FBXO43: variants seen among roughly 807,000 people sequenced by gnomAD.
FBXO43 encodes the protein F-box only protein 43.
In FBXO43, 22 loss-of-function variants were observed where a neutral mutation model predicts 56.7. The ratio of observed to expected loss-of-function variants is 0.39; its 90% CI spans 0.28 to 0.55. FBXO43 has a LOEUF of 0.55. Ranked by LOEUF, FBXO43 falls within the 20% of genes least tolerant of loss-of-function variation. The pLI is 0.66. For missense variants in FBXO43, 733 were observed against 814.9 expected, an observed-to-expected ratio of 0.90 and a Z score of 1.22; for synonymous variants, 306 against 294.5, an observed-to-expected ratio of 1.04 and a Z score of -0.40.
At chr8:100,149,837 A>T (rs1005259267), upstream of FBXO43, among the ~76,000 whole-genome samples, 17 of 152,204 alleles carry the variant, frequency 1.1e-4, no homozygotes, top group Non-Finnish European at 1.8e-4. Flanking sequence ...TAAATTTTTT[A>T]AAATAGCTTC....
chr8:100,150,459 C>G (rs571152170), upstream of FBXO43: 4 of 152,384 alleles, frequency 2.6e-5, no homozygotes, highest in South Asian at 8.3e-4. Flanking sequence ...CTCTGCTTTC[C>G]TGCAAAATTA....
intron 3 of FBXO43, among the ~76,000 whole-genome samples, chr8:100,135,571 G>A (rs1814444765): frequency 6.6e-6 from 1 of 151,954 alleles, no homozygotes; most frequent in Non-Finnish European, 1.5e-5. Flanking sequence ...TTAAGAAACT[G>A]AGTTTTTAAA....
intron 3 of FBXO43, 97 bp downstream of exon 3, chr8:100,137,468 G>C: frequency 1.3e-6 from 1 of 754,832 alleles, no homozygotes; most frequent in Non-Finnish European, 2.2e-6. Context: ...AATGGAAAAG[G>C]TTAAAGATAG....
At position 100,141,492 on chromosome 8, in the gene FBXO43, C is replaced by T. The variant is rs768936412; in HGVS notation, c.762G>A (p.Gln254=). 1.2e-6 allele frequency: 2 copies of T among 1,612,828 alleles called. No homozygotes were observed. Among genetic ancestry groups the T allele is most frequent in the African/African-American group, 1.3e-5 (1 of 75,052 alleles). ...TGATAGAGTCTTTAAAATTATTGCC[C>T]TGAATTGGAGATATACATTCAACTT... is the stretch of plus-strand genomic sequence containing the variant. The part of the protein sequence containing the change: ...LFEVECISPI[Q]GNNFKDSITH... The change falls in exon 2 of 5, where the codon CAG becomes CAA. Residue 254 remains glutamine (Q), a synonymous_variant. Transcript: ENST00000428847.
chr8:100,148,272 G>A (rs1814865653), upstream of FBXO43, among the ~76,000 whole-genome samples: 2 of 152,024 alleles, frequency 1.3e-5, no homozygotes, highest in South Asian at 4.1e-4. Context: ...ATTGTTCAAG[G>A]AAGAATCATT....
chr8:100,144,081 T>C (rs1218367792), intron 1 of FBXO43, among the ~76,000 whole-genome samples: 2 of 152,222 alleles, frequency 1.3e-5, no homozygotes, highest in Non-Finnish European at 2.9e-5. Context: ...CAGGTCACGG[T>C]CCTTTTAAAA....
At position 100,135,933 on chromosome 8, in the gene FBXO43, T is replaced by C. The variant is rs535649042; in HGVS notation, c.1675-1569A>G. On this transcript the variant is annotated intron_variant, in intron 3 of 4. Coordinates refer to ENST00000428847, the MANE Select transcript of FBXO43 (RefSeq NM_001029860.4). ...ATATGAGACTATTTCTTTTCTTTTT[T>C]TTTTTTTTGAGAATAGAACATTTCA... Among the ~76,000 whole-genome samples, 65 of 152,146 alleles carry C rather than the reference T, an allele frequency of 4.3e-4. No individual in the cohort carries two copies. The South Asian group carries it at 0.013, about 30-fold the overall frequency.
intron 2 of FBXO43, among the ~76,000 whole-genome samples, chr8:100,138,044 C>A (rs1275344393): frequency 6.6e-6 from 1 of 152,158 alleles, no homozygotes; most frequent in African/African-American, 2.4e-5. Flanking sequence ...TTCTCCTATT[C>A]CTGTGTTTAA....
chr8:100,145,289 T>A lies in FBXO43; in HGVS notation c.-154A>T, dbSNP rs1814795952. On this transcript the variant is annotated 5_prime_UTR_variant, in exon 1 of 5. Coordinates refer to ENST00000428847, the MANE Select transcript of FBXO43 (RefSeq NM_001029860.4). ...TGAGAAGGTCTAAATCATTTTGAAT[T>A]TCCTTCAGCCCTCCAGAAAATAGTT... is the stretch of plus-strand genomic sequence containing the variant. The A allele has an allele frequency of 2.1e-6, 1 of 480,998 alleles. No homozygotes were observed. The highest frequency in any genetic ancestry group is 3.4e-5 in the East Asian group (1 of 29,226). The allele number at this position is 480,998 out of a possible 1,614,324, so 29.8% of individuals were successfully genotyped here.
chr8:100,146,013 A>T (rs3133673), upstream of FBXO43, among the ~76,000 whole-genome samples: 8,334 of 152,176 alleles, frequency 0.055, 689 homozygotes, highest in African/African-American at 0.17. Flanking sequence ...GCTTCTCCCC[A>T]TTCCCACTTT....
upstream of FBXO43, among the ~76,000 whole-genome samples, chr8:100,149,479 AGAG>A (rs1184063489): frequency 6.6e-6 from 1 of 152,230 alleles, no homozygotes; most frequent in African/African-American, 2.4e-5. Context: ...TCTTTGGTTA[AGAG>A]GAGAGGTACT....
upstream of FBXO43, chr8:100,150,562 A>T (rs1814901290): frequency 2.6e-5 from 4 of 152,358 alleles, no homozygotes; most frequent in Admixed American, 2.6e-4. Flanking sequence ...TTGTCTGGCC[A>T]CGCCTGGGGC....
upstream of FBXO43, among the ~76,000 whole-genome samples, chr8:100,147,382 A>G (rs1226985475): frequency 6.6e-6 from 1 of 152,256 alleles, no homozygotes; most frequent in African/African-American, 2.4e-5. Flanking sequence ...AGACAGCAGG[A>G]AATTCCAAAC....
upstream of FBXO43, among the ~76,000 whole-genome samples, chr8:100,150,139 T>C (rs570101991): frequency 6.6e-6 from 1 of 152,224 alleles, no homozygotes; most frequent in Non-Finnish European, 1.5e-5. Context: ...GATGTGACAG[T>C]AGCCTATCAG....
chr8:100,150,061 G>A (rs550179211), upstream of FBXO43, among the ~76,000 whole-genome samples: 2 of 152,120 alleles, frequency 1.3e-5, no homozygotes, highest in African/African-American at 2.4e-5. Context: ...AGATTTAAGA[G>A]GGAGTTGTTC....
At chr8:100,143,524 T>G (rs1264534989) in intron 1 of FBXO43, among the ~76,000 whole-genome samples, 1 of 152,258 alleles carries the variant, frequency 6.6e-6, no homozygotes, top group Admixed American at 6.5e-5. Flanking sequence ...CATGTCCCCT[T>G]CTGATCTACA....
chr8:100,134,373 A>T lies in FBXO43; in HGVS notation c.1675-9T>A, dbSNP rs769843905. On this transcript the variant is annotated splice_polypyrimidine_tract_variant and intron_variant, in intron 3 of 4. Coordinates refer to ENST00000428847, the MANE Select transcript of FBXO43 (RefSeq NM_001029860.4). ...ACATTTAATACAGCCCCCTGTGGTA[A>T]AGGACAAGAGGCATCAATACTGCAA... 1.5e-5 allele frequency: 24 copies of T among 1,612,428 alleles called. No individual in the cohort carries two copies. Among genetic ancestry groups the T allele is most frequent in the Non-Finnish European group, 2.0e-5 (24 of 1,179,630 alleles).
rs755334483 is a variant in FBXO43 at position 100,141,776 on chromosome 8, C to T, written c.478G>A (p.Val160Ile). The change falls in exon 2 of 5, where the codon GTA becomes ATA. Residue 160 changes from valine to isoleucine, a missense_variant. Physicochemically the swap from Val to Ile is conservative, Grantham distance 29. Transcript: ENST00000428847. ...TCCCCTTTTAGAAGAGCGAAAGATA[C>T]ATTCAACCTTCTGCGAGGTAAACAT... ...KKCLPRRRLN[V>I]SFALLKGDFE... The T allele has an allele frequency of 1.3e-6, 2 of 1,588,256 alleles. No homozygotes were observed. Among genetic ancestry groups the T allele is most frequent in the Non-Finnish European group, 1.7e-6 (2 of 1,168,840 alleles).
chr8:100,137,409 GA>G (rs1814505173), intron 3 of FBXO43, 155 bp downstream of exon 3: 2 of 570,118 alleles, frequency 3.5e-6, no homozygotes, highest in Admixed American at 3.5e-5. Context: ...CAGACTGGGT[GA>G]AAATTGAGTT....
Sources: gnomAD v4.1 joint callset for allele counts (sites outside exome capture counted in the v4.1 genomes callset) on GRCh38, gnomAD v4.1.1 for gene constraint, MANE v1.5 for transcripts, NCBI Gene and HGNC (gene_info 2026-07-23, HGNC 2026-07-21) for gene names.